Variants in GALNT2 observed in about 807,000 individuals in gnomAD.
GALNT2 encodes the protein polypeptide N-acetylgalactosaminyltransferase 2.
A neutral mutation model predicts 81.4 loss-of-function variants in GALNT2; 31 were observed. The ratio of observed to expected loss-of-function variants is 0.38; its 90% confidence interval spans 0.29 to 0.51. The LOEUF (loss-of-function observed/expected upper bound fraction) is 0.51, where lower values mean the gene tolerates loss of function less well. Among genes scored for constraint, GALNT2 ranks in the 20% least tolerant of loss-of-function variants. GALNT2 has a pLI of 0.87. For synonymous variants in GALNT2, 303 were observed against 287.4 expected, an observed-to-expected ratio of 1.05 and a Z score of -0.55; for missense variants, 629 against 765.7, an observed-to-expected ratio of 0.82 and a Z score of 2.11.
At chr1:230,225,924 G>T (rs1664695619) in intron 3 of GALNT2, among the ~76,000 whole-genome samples, 1 of 152,178 alleles carries the variant, frequency 6.6e-6, no homozygotes, top group South Asian at 2.1e-4. Context: ...TTCAGAATGG[G>T]ATGGGAGAAG....
rs1262396737 is a variant in GALNT2 at position 230,243,776 on chromosome 1, C to T, written c.729+349C>T. Among the ~76,000 whole-genome samples the T allele has an allele frequency of 6.6e-6, 1 of 152,176 alleles. No homozygotes were observed. The highest frequency in any genetic ancestry group is 2.4e-5 in the African/African-American group (1 of 41,452). ...GCTTCGCAGAGTGCTTAGAACATTG[C>T]CCGGCACCTAGCAAGTGCCATCTCT... On this transcript the variant is annotated intron_variant, in intron 7 of 15. Coordinates refer to ENST00000366672, the MANE Select transcript of GALNT2 (RefSeq NM_004481.5). The surrounding 1 kb of genome is among the most constrained non-coding windows in gnomAD (Gnocchi z 4.2).
At chr1:230,229,995 T>G (rs1225718305) in intron 3 of GALNT2, among the ~76,000 whole-genome samples, 2 of 152,194 alleles carry the variant, frequency 1.3e-5, no homozygotes, top group East Asian at 3.8e-4. Context: ...GTCATTTTAT[T>G]TAAAATTTTT....
At chr1:230,109,061 A>G (rs570717855) in intron 1 of GALNT2, among the ~76,000 whole-genome samples, 4 of 152,352 alleles carry the variant, frequency 2.6e-5, no homozygotes, top group East Asian at 1.9e-4. Flanking sequence ...TAGATGGACT[A>G]TCCTACTCTT....
Position 230,178,315 on chromosome 1 carries a change from C to T in GALNT2, c.220+4C>T. 2 of 1,610,670 alleles carry T rather than the reference C, an allele frequency of 1.2e-6. No individual in the cohort carries two copies. Among genetic ancestry groups the T allele is most frequent in the Admixed American group, 1.7e-5 (1 of 59,922 alleles). On this transcript the variant is annotated splice_donor_region_variant and intron_variant, in intron 2 of 15. Transcript: ENST00000366672. ...AGCATGGAGACCCTCCCTCCAGGTACTGCCAGGGGCCAGGAAGCCATCTTG... is the reference window on the plus strand; with the variant it reads ...AGCATGGAGACCCTCCCTCCAGGTATTGCCAGGGGCCAGGAAGCCATCTTG...
chr1:230,071,313 C>T (rs1273902670), intron 1 of GALNT2, among the ~76,000 whole-genome samples: 2 of 152,102 alleles, frequency 1.3e-5, no homozygotes, highest in Non-Finnish European at 2.9e-5. Context: ...GGAAGTTGTC[C>T]AGACACCATG....
chr1:230,200,615 G>T (rs754622713), intron 2 of GALNT2, among the ~76,000 whole-genome samples: 4 of 152,200 alleles, frequency 2.6e-5, no homozygotes, highest in Non-Finnish European at 4.4e-5. Context: ...AGCACAAAGA[G>T]ATGTATGGGT....
rs73115711 is a variant in GALNT2 at position 230,275,038 on chromosome 1, T to C, written c.1560+474T>C. 0.046 allele frequency among the ~76,000 whole-genome samples: 6,458 copies of C among 141,088 alleles called. 429 individuals are homozygous for C. The highest frequency in any genetic ancestry group is 0.15 in the African/African-American group (5,766 of 39,678). The allele number at this position is 141,088 out of a possible 152,430, so 92.6% of individuals were successfully genotyped here. A position where few individuals can be genotyped will look rare whatever the true frequency, so the allele number is the denominator to read the frequency against. On this transcript the variant is annotated intron_variant, in intron 15 of 15. Coordinates refer to ENST00000366672, the MANE Select transcript of GALNT2 (RefSeq NM_004481.5). This position sits in a 1 kb window ranked among gnomAD's most constrained non-coding sequence, Gnocchi z 5.5. ...TATACATATATACACGCCACATATA[T>C]ACACATATATACATGCCACATATAT... is the stretch of plus-strand genomic sequence containing the variant.
rs1169989656 is a variant in GALNT2 at position 230,281,391 on chromosome 1, G to A, written c.*1933G>A. 6.6e-6 allele frequency: 1 copy of A among 151,940 alleles called. No individual in the cohort carries two copies. The highest frequency in any genetic ancestry group is 2.4e-5 in the African/African-American group (1 of 41,270). The allele number at this position is 151,940 out of a possible 1,614,324, so 9.4% of individuals were successfully genotyped here. A position where few individuals can be genotyped will look rare whatever the true frequency, so the allele number is the denominator to read the frequency against. ...GGTGGGCGCTCGGGGGGAGCCTGAGGAAAACCCCCTTAGGTACCTGTGCGA... is the reference window on the plus strand; with the variant it reads ...GGTGGGCGCTCGGGGGGAGCCTGAGAAAAACCCCCTTAGGTACCTGTGCGA... On this transcript the variant is annotated 3_prime_UTR_variant, in exon 16 of 16. Coordinates refer to ENST00000366672, the MANE Select transcript of GALNT2 (RefSeq NM_004481.5).
At chr1:230,276,156 T>G (rs1047417383) in intron 15 of GALNT2, among the ~76,000 whole-genome samples, 3 of 151,886 alleles carry the variant, frequency 2.0e-5, no homozygotes, top group Admixed American at 6.6e-5. Flanking sequence ...ACCACATATA[T>G]ATACATATAT....
chr1:230,139,696 AC>A (rs1661666971), intron 1 of GALNT2, among the ~76,000 whole-genome samples: 1 of 152,310 alleles, frequency 6.6e-6, no homozygotes, highest in Non-Finnish European at 1.5e-5. Context: ...CAAGGAAAAT[AC>A]AAGCAAAGCA....
At chr1:230,082,873 GAGCCAGGATGATGGAACAAGC>G (rs1456840931) in intron 1 of GALNT2, among the ~76,000 whole-genome samples, 1 of 152,180 alleles carries the variant, frequency 6.6e-6, no homozygotes, top group East Asian at 1.9e-4. Flanking sequence ...ATGGAGCATG[GAGCCAGGATGATGGAACAAGC>G]AGCCAGGATG....
intron 2 of GALNT2, among the ~76,000 whole-genome samples, chr1:230,200,743 G>A (rs552636895): frequency 1.8e-4 from 27 of 152,286 alleles, no homozygotes; most frequent in African/African-American, 5.8e-4. Flanking sequence ...CCAGCACGCC[G>A]GTGAGAAGCA....
intron 1 of GALNT2, among the ~76,000 whole-genome samples, chr1:230,093,121 G>A (rs1414326157): frequency 6.6e-6 from 1 of 152,226 alleles, no homozygotes; most frequent in African/African-American, 2.4e-5. Flanking sequence ...GCCAAGGGGA[G>A]CTCCTTCAGT....
intron 1 of GALNT2, among the ~76,000 whole-genome samples, chr1:230,085,624 C>T (rs560530582): frequency 6.6e-6 from 1 of 152,252 alleles, no homozygotes; most frequent in East Asian, 1.9e-4. Context: ...TGGCATGATC[C>T]AGTTCATCAC....
At chr1:230,268,877 C>T (rs970911859) in intron 14 of GALNT2, among the ~76,000 whole-genome samples, 5 of 152,240 alleles carry the variant, frequency 3.3e-5, no homozygotes, top group African/African-American at 1.2e-4. Context: ...GCAGCCACAG[C>T]ACAGACCTTT....
chr1:230,256,752 C>G (rs940668012), intron 11 of GALNT2, among the ~76,000 whole-genome samples: 10 of 152,162 alleles, frequency 6.6e-5, no homozygotes, highest in African/African-American at 2.4e-4. Flanking sequence ...AGCGTACAAG[C>G]CAGATCTCAG....
intron 1 of GALNT2, among the ~76,000 whole-genome samples, chr1:230,146,845 C>T (rs1048065662): frequency 3.3e-5 from 5 of 152,106 alleles, no homozygotes; most frequent in Admixed American, 6.5e-5. Context: ...ATGCTGGAAA[C>T]GTGACCTGTG....
chr1:230,105,769 A>G (rs1011165013), intron 1 of GALNT2, among the ~76,000 whole-genome samples: 1 of 152,208 alleles, frequency 6.6e-6, no homozygotes, highest in Admixed American at 6.5e-5. Flanking sequence ...GCTCATAAGC[A>G]TGATTATATC....
At chr1:230,224,955 A>G (rs1664663047) in intron 3 of GALNT2, among the ~76,000 whole-genome samples, 1 of 152,264 alleles carries the variant, frequency 6.6e-6, no homozygotes, top group Admixed American at 6.5e-5. Flanking sequence ...TCGAAGTGAG[A>G]CAAACCTAAA....
Sources: allele counts gnomAD v4.1 joint callset (sites outside exome capture counted in the v4.1 genomes callset), GRCh38; gene constraint gnomAD v4.1.1; non-coding constraint Gnocchi (gnomAD v3.1); transcripts MANE v1.5; gene names NCBI Gene and HGNC (gene_info 2026-07-23, HGNC 2026-07-21).